The following SNX29 variants were observed in gnomAD, a reference collection of about 807,000 sequenced individuals.
SNX29 encodes sorting nexin-29.
Under a neutral mutation model 102.1 loss-of-function variants are expected in SNX29, and 78 were observed. The observed-to-expected ratio is 0.76, with a 90% CI of 0.64 to 0.92. The LOEUF is 0.92. SNX29 is among the 40% of genes least tolerant of loss of function. The pLI is 0.00. For missense variants in SNX29, 1,280 were observed against 1,061.7 expected (o/e 1.21, Z -2.86); for synonymous variants, 580 against 414.5 (o/e 1.40, Z -4.85).
intron 14 of SNX29, among the ~76,000 whole-genome samples, chr16:12,232,362 A>G (rs2077794975): frequency 6.6e-6 from 1 of 152,202 alleles, no homozygotes; most frequent in African/African-American, 2.4e-5. Context: ...CCCCGTCTCT[A>G]CTAAAAATAC....
chr16:12,372,884 T>A (rs549711943), intron 16 of SNX29: 1 of 152,268 alleles, frequency 6.6e-6, no homozygotes, highest in South Asian at 2.1e-4. Context: ...AGTGGGAGTG[T>A]CATTTACACT....
intron 15 of SNX29, among the ~76,000 whole-genome samples, chr16:12,311,616 C>T (rs114738836): frequency 2.0e-5 from 3 of 152,246 alleles, no homozygotes; most frequent in Admixed American, 6.5e-5. Flanking sequence ...CTTGAGATGG[C>T]GTGGCTGGCC....
rs571907083 is a variant in SNX29, at chr16:12,556,894, C to G, written c.2319-11612C>G. On this transcript the variant is annotated intron_variant, in intron 20 of 20. Coordinates refer to ENST00000566228, the MANE Select transcript of SNX29 (RefSeq NM_032167.5). ...TTGAGATAGGGTCTCCGTCTGTCTC[C>G]TCACCTTGAGTGTAGTGGCATGATC... Among the ~76,000 whole-genome samples the G allele has an allele frequency of 5.9e-4, 88 of 148,676 alleles. No individual in the cohort carries two copies. The South Asian group carries it at 0.016, about 26-fold the overall frequency.
chr16:12,540,864 G>A (rs1055494273), intron 20 of SNX29, among the ~76,000 whole-genome samples: 4 of 152,192 alleles, frequency 2.6e-5, no homozygotes, highest in South Asian at 2.1e-4. Context: ...GAGCAGGAGT[G>A]CCCTTTTCCA....
At chr16:11,983,642 G>T (rs557553017) in intron 1 of SNX29, 360 of 985,272 alleles carry the variant, frequency 3.7e-4, no homozygotes, top group Non-Finnish European at 4.2e-4. Context: ...CCCCACCTCT[G>T]CTAGCAACTG....
In SNX29 at chr16:12,436,490, C is replaced by T. The variant is rs377215489; in HGVS notation, c.2037+32961C>T. Among the ~76,000 whole-genome samples the T allele has an allele frequency of 7.9e-4, 120 of 152,354 alleles. 3 individuals are homozygous for T. In the South Asian group the frequency reaches 0.021, roughly 27 times the overall value. ...CCTGCCAGATGCCATTTCAGGAAAT[C>T]GCCTTTGTTGCTCAGGCATTCATAC... On this transcript the variant is annotated intron_variant, in intron 18 of 20. Coordinates refer to ENST00000566228, the MANE Select transcript of SNX29 (RefSeq NM_032167.5).
chr16:12,402,514 T>C (rs1377113092), intron 17 of SNX29, among the ~76,000 whole-genome samples: 1 of 152,220 alleles, frequency 6.6e-6, no homozygotes, highest in Non-Finnish European at 1.5e-5. Context: ...TTTTGATAAT[T>C]ATTACAATTG....
rs144866837 is a variant in SNX29 at position 12,003,104 on chromosome 16, C to T, written c.122+61C>T. On this transcript the variant is annotated intron_variant, in intron 3 of 20. Coordinates refer to ENST00000566228, the MANE Select transcript of SNX29 (RefSeq NM_032167.5). ...GGTTGGAAAGGCGGCAGAAGGTGGCCGGCTTCTAAAACCGTTGACCATCGA... is the reference window on the plus strand; with the variant it reads ...GGTTGGAAAGGCGGCAGAAGGTGGCTGGCTTCTAAAACCGTTGACCATCGA... The T allele has an allele frequency of 9.2e-3, 14,699 of 1,599,098 alleles. 102 individuals are homozygous for T. Among genetic ancestry groups the T allele is most frequent in the Non-Finnish European group, 0.011 (13,312 of 1,168,746 alleles).
chr16:12,526,813 C>G (rs1453275148), intron 20 of SNX29: 1 of 405,124 alleles, frequency 2.5e-6, no homozygotes, highest in Non-Finnish European at 4.6e-6. Context: ...CCAGGCATCT[C>G]CGGTCCAGTG....
At chr16:12,238,486 G>T (rs749520905) in intron 14 of SNX29, among the ~76,000 whole-genome samples, 5 of 151,944 alleles carry the variant, frequency 3.3e-5, no homozygotes, top group African/African-American at 1.2e-4. Context: ...CCACCATGCC[G>T]GCCAATTTTT....
chr16:12,383,552 T>G (rs1294062813), intron 16 of SNX29, among the ~76,000 whole-genome samples: 1 of 152,072 alleles, frequency 6.6e-6, no homozygotes, highest in Non-Finnish European at 1.5e-5. Flanking sequence ...TTCTTCTGCC[T>G]CAGCCTCCCG....
rs996923936 is a variant in SNX29 at position 12,441,802 on chromosome 16, G to C, written c.2038-35917G>C. On this transcript the variant is annotated intron_variant, in intron 18 of 20. Transcript: ENST00000566228. ...TCCATTTTGACTTTTGTTTTGTTTT[G>C]TTTTGAGTTAGATTCTCACTCTGTC... Among the ~76,000 whole-genome samples the C allele has an allele frequency of 2.0e-5, 3 of 151,988 alleles. No homozygotes were observed. In the South Asian group the frequency reaches 6.2e-4, roughly 32 times the overall value.
At chr16:12,416,122 A>G (rs1264810644) in intron 18 of SNX29, among the ~76,000 whole-genome samples, 1 of 152,180 alleles carries the variant, frequency 6.6e-6, no homozygotes, top group Non-Finnish European at 1.5e-5. Context: ...TGTAGGAGGT[A>G]AGGAACCCAG....
intron 20 of SNX29, among the ~76,000 whole-genome samples, chr16:12,541,433 C>G (rs571986990): frequency 1.3e-5 from 2 of 152,280 alleles, no homozygotes; most frequent in East Asian, 1.9e-4. Context: ...GGAAGGTCAT[C>G]AATGTCTCAA....
chr16:12,562,345 TCC>T (rs1259790284), intron 20 of SNX29, among the ~76,000 whole-genome samples: 4 of 151,600 alleles, frequency 2.6e-5, no homozygotes, highest in Non-Finnish European at 4.4e-5. Flanking sequence ...TTCTGTGATT[TCC>T]CCCTTTATTT....
intron 20 of SNX29, among the ~76,000 whole-genome samples, chr16:12,553,548 GGGAGCTAAGCA>G (rs2078126795): frequency 6.6e-6 from 1 of 152,074 alleles, no homozygotes; most frequent in African/African-American, 2.4e-5. Context: ...GAGCACTGCA[GGGAGCTAAGCA>G]GGAGCTGTGG....
chr16:11,995,052 A>G (rs1049115837), intron 1 of SNX29, among the ~76,000 whole-genome samples: 1 of 152,122 alleles, frequency 6.6e-6, no homozygotes, highest in African/African-American at 2.4e-5. Flanking sequence ...CTTGCAGCCT[A>G]GTAAACCCCC....
intron 14 of SNX29, among the ~76,000 whole-genome samples, chr16:12,272,601 T>G (rs1168599989): frequency 6.6e-6 from 1 of 152,256 alleles, no homozygotes; most frequent in African/African-American, 2.4e-5. Flanking sequence ...TTACATAGTT[T>G]ACATATCACT....
At chr16:12,186,868 G>C (rs2076523283) in intron 13 of SNX29, among the ~76,000 whole-genome samples, 1 of 152,178 alleles carries the variant, frequency 6.6e-6, no homozygotes, top group Non-Finnish European at 1.5e-5. Context: ...CTAATAAAGA[G>C]ACACTATAGC....
Sources: gnomAD v4.1 joint callset for allele counts (sites outside exome capture counted in the v4.1 genomes callset) on GRCh38, gnomAD v4.1.1 for gene constraint, MANE v1.5 for transcripts, NCBI Gene and HGNC (gene_info 2026-07-23, HGNC 2026-07-21) for gene names.